Variants in MED13 observed in about 807,000 individuals in gnomAD.
MED13 encodes the protein mediator complex subunit 13, also known as mediator of RNA polymerase II transcription subunit 13.
Under a neutral mutation model 225.2 loss-of-function variants are expected in MED13, and 23 were observed. The ratio of observed to expected loss-of-function variants is 0.10; its 90% CI spans 0.07 to 0.14. The LOEUF is 0.14. Among genes scored for constraint, MED13 ranks in the 10% least tolerant of loss-of-function variants. The probability of loss-of-function intolerance (pLI) is 1.00; values close to 1 mark genes in which losing one functional copy is unlikely to be tolerated. For missense variants in MED13, 2,197 were observed against 2,594.5 expected (o/e 0.85, Z 3.33); for synonymous variants, 942 against 889.2 (o/e 1.06, Z -1.06).
At chr17:61,988,907 T>C (rs1216261935) in intron 11 of MED13, among the ~76,000 whole-genome samples, 1 of 152,138 alleles carries the variant, frequency 6.6e-6, no homozygotes, top group Non-Finnish European at 1.5e-5. Context: ...AATAGATCTC[T>C]TGAACTTATT....
At chr17:61,950,418 T>C (rs555642412) in intron 28 of MED13, among the ~76,000 whole-genome samples, 1 of 151,306 alleles carries the variant, frequency 6.6e-6, no homozygotes, top group African/African-American at 2.4e-5. Flanking sequence ...GTCTCAGATA[T>C]TGTCACCCAG....
intron 28 of MED13, 87 bp from the exon 29 acceptor site, chr17:61,947,104 T>C (rs958788447): frequency 7.9e-6 from 7 of 881,462 alleles, no homozygotes; most frequent in Non-Finnish European, 1.3e-5. Flanking sequence ...ATATATCTTA[T>C]AAAATGATGA....
At chr17:62,050,405 A>G (rs2080946145) in intron 3 of MED13, among the ~76,000 whole-genome samples, 1 of 151,974 alleles carries the variant, frequency 6.6e-6, no homozygotes, top group African/African-American at 2.4e-5. Flanking sequence ...AGTGTGTGCA[A>G]AAGTGCCAAT....
chr17:61,960,005 G>T (rs560826185), intron 23 of MED13, among the ~76,000 whole-genome samples: 58 of 152,234 alleles, frequency 3.8e-4, no homozygotes, highest in African/African-American at 1.4e-3. Context: ...GGGATTACAA[G>T]CAGGAGCCAC....
At chr17:62,031,259 C>T (rs2080752978) in intron 6 of MED13, 185 bp downstream of exon 6, 3 of 522,212 alleles carry the variant, frequency 5.7e-6, no homozygotes, top group African/African-American at 2.0e-5. Flanking sequence ...AATGAATGTA[C>T]ATCATACAGA....
intron 2 of MED13, among the ~76,000 whole-genome samples, chr17:62,054,113 C>T (rs764306839): frequency 1.3e-5 from 2 of 152,018 alleles, no homozygotes; most frequent in Non-Finnish European, 2.9e-5. Context: ...TCAAGACCAG[C>T]CTCGCCAACA....
At chr17:61,997,216 CA>C (rs2080354454) in intron 9 of MED13, among the ~76,000 whole-genome samples, 2 of 152,126 alleles carry the variant, frequency 1.3e-5, no homozygotes, top group South Asian at 2.1e-4. Context: ...AGTAGGCCAT[CA>C]AAACAAAAAC....
chr17:62,061,830 A>C (rs2081041628), intron 2 of MED13, among the ~76,000 whole-genome samples: 1 of 152,188 alleles, frequency 6.6e-6, no homozygotes, highest in African/African-American at 2.4e-5. Flanking sequence ...AATACACACA[A>C]CTAAGGACTG....
At chr17:61,988,865 A>G (rs1250534449) in intron 11 of MED13, among the ~76,000 whole-genome samples, 1 of 152,114 alleles carries the variant, frequency 6.6e-6, no homozygotes, top group Non-Finnish European at 1.5e-5. Context: ...CAAATATACA[A>G]TCTATTATTA....
intron 2 of MED13, among the ~76,000 whole-genome samples, chr17:62,061,020 T>C (rs1188252833): frequency 6.6e-6 from 1 of 152,096 alleles, no homozygotes; most frequent in Non-Finnish European, 1.5e-5. Context: ...ATTTTAAAGG[T>C]ACAAGTAACT....
In MED13 at chr17:62,011,155, AG is replaced by A; in HGVS notation, c.1361del (p.Pro454LeufsTer20). ...PSLGQQQQIL[P>X]KHKTNEKQEK... ...CTTGCTTCTCATTGGTCTTGTGCTT[AG>A]GAAGTATTTGTTGTTGCTGACCTAA... On this transcript the variant is annotated frameshift_variant, in exon 9 of 30. Transcript: ENST00000397786. LOFTEE classifies it high-confidence loss of function. 1 of 1,614,170 alleles carries A rather than the reference AG, an allele frequency of 6.2e-7. No individual in the cohort carries two copies. The highest frequency in any genetic ancestry group is 8.5e-7 in the Non-Finnish European group (1 of 1,180,032).
At chr17:61,991,383 G>A (rs1258746466) in intron 11 of MED13, among the ~76,000 whole-genome samples, 2 of 151,594 alleles carry the variant, frequency 1.3e-5, no homozygotes, top group Non-Finnish European at 2.9e-5. Flanking sequence ...CCTTACAGGT[G>A]TAAGCCATTG....
At chr17:62,031,688 G>T (rs764356205) in intron 5 of MED13, 50 bp from the exon 6 acceptor site, 5 of 1,279,626 alleles carry the variant, frequency 3.9e-6, no homozygotes, top group Non-Finnish European at 5.2e-6. Flanking sequence ...TGTGACTAGT[G>T]AATTAGTTTC....
intron 3 of MED13, among the ~76,000 whole-genome samples, chr17:62,048,206 G>C (rs952355883): frequency 4.7e-5 from 7 of 150,096 alleles, no homozygotes; most frequent in African/African-American, 1.5e-4. Flanking sequence ...AGGAGATCAA[G>C]ACCAGCCTAG....
At chr17:61,955,355 A>G in intron 26 of MED13, 27 bp downstream of exon 26, 1 of 1,478,994 alleles carries the variant, frequency 6.8e-7, no homozygotes, top group Non-Finnish European at 9.0e-7. Flanking sequence ...TATTCTTCAG[A>G]CTACCAAAAT....
intron 9 of MED13, among the ~76,000 whole-genome samples, chr17:62,000,559 T>C (rs977069363): frequency 6.6e-6 from 1 of 152,188 alleles, no homozygotes; most frequent in Non-Finnish European, 1.5e-5. Context: ...TATCATCTAA[T>C]TAAGGTGGAA....
intron 27 of MED13, among the ~76,000 whole-genome samples, chr17:61,952,475 C>T (rs888674150): frequency 6.6e-6 from 1 of 152,110 alleles, no homozygotes; most frequent in Admixed American, 6.6e-5. Flanking sequence ...GCCACAAAAA[C>T]TACAAAAAAA....
At chr17:61,971,925 C>T (rs1306649800) in intron 17 of MED13, among the ~76,000 whole-genome samples, 2 of 151,968 alleles carry the variant, frequency 1.3e-5, no homozygotes, top group Admixed American at 6.6e-5. Context: ...CAAAGCGAGA[C>T]TCTGTCTCCA....
Position 61,942,893 on chromosome 17 carries a change from G to A in MED13, c.*3575C>T, listed in dbSNP as rs866938640. The A allele has an allele frequency of 2.0e-5, 3 of 152,424 alleles. No individual in the cohort carries two copies. The highest frequency in any genetic ancestry group is 1.9e-4 in the East Asian group (1 of 5,194). The allele number at this position is 152,424 out of a possible 1,614,324, so 9.4% of individuals were successfully genotyped here. A position where few individuals can be genotyped will look rare whatever the true frequency, so the allele number is the denominator to read the frequency against. On this transcript the variant is annotated 3_prime_UTR_variant, in exon 30 of 30. Transcript: ENST00000397786. ...TGATGCTGACATGTCCAGTAATGAC[G>A]TTACAATTTGTAGCTTAAACTCAAT...
Sources: allele counts gnomAD v4.1 joint callset (sites outside exome capture counted in the v4.1 genomes callset), GRCh38; gene constraint gnomAD v4.1.1; transcripts MANE v1.5; gene names NCBI Gene and HGNC (gene_info 2026-07-23, HGNC 2026-07-21).